Variants in TMEM117 observed in about 807,000 individuals in gnomAD.
TMEM117 encodes transmembrane protein 117.
Under a neutral mutation model 52.4 loss-of-function variants are expected in TMEM117, and 27 were observed. The observed-to-expected ratio is 0.51, with a 90% confidence interval of 0.38 to 0.71. TMEM117 has a LOEUF of 0.71. Ranked by LOEUF, TMEM117 falls within the 30% of genes least tolerant of loss-of-function variation. TMEM117 has a pLI of 0.00. For missense variants in TMEM117, 556 were observed against 630.5 expected (o/e 0.88, Z 1.26); for synonymous variants, 215 against 206.3 (o/e 1.04, Z -0.36).
rs140459958 is a variant in TMEM117 at position 44,114,235 on chromosome 12, G to A, written c.411-29290G>A. Among the ~76,000 whole-genome samples the A allele has an allele frequency of 9.1e-4, 139 of 152,084 alleles. 1 individual carries two copies. The highest frequency in any genetic ancestry group is 3.4e-3 in the Middle Eastern group (1 of 294). On this transcript the variant is annotated intron_variant, in intron 3 of 7. Coordinates refer to ENST00000266534, the MANE Select transcript of TMEM117 (RefSeq NM_032256.3). ...ATTCGGCCATCTTGGCTCCTCCTCC[G>A]TACCAAATTTAAATAAGTTTAAATT...
At position 44,053,903 on chromosome 12, in the gene TMEM117, A is replaced by G. The variant is rs369292011; in HGVS notation, c.411-89622A>G. ...TCTTATTATAGAATGAAAATGCAAC[A>G]GAACTATTGCAACATGAATGTTAGT... On this transcript the variant is annotated intron_variant, in intron 3 of 7. Coordinates refer to ENST00000266534, the MANE Select transcript of TMEM117 (RefSeq NM_032256.3). Among the ~76,000 whole-genome samples the G allele has an allele frequency of 1.8e-4, 27 of 152,342 alleles. No individual in the cohort carries two copies. In the East Asian group the frequency reaches 2.7e-3, roughly 15 times the overall value.
intron 2 of TMEM117, among the ~76,000 whole-genome samples, chr12:43,882,704 T>G (rs947878800): frequency 2.0e-5 from 3 of 152,176 alleles, no homozygotes; most frequent in African/African-American, 7.2e-5. Flanking sequence ...ATAAATGTTG[T>G]GGAGTTTAGC....
chr12:43,901,817 A>T (rs1428384891), intron 2 of TMEM117, among the ~76,000 whole-genome samples: 1 of 152,246 alleles, frequency 6.6e-6, no homozygotes, highest in East Asian at 1.9e-4. Context: ...CCATGAAATT[A>T]TGAATCTGTT....
chr12:44,209,577 C>G (rs1239100396), intron 4 of TMEM117, among the ~76,000 whole-genome samples: 2 of 151,946 alleles, frequency 1.3e-5, no homozygotes, highest in Non-Finnish European at 2.9e-5. Flanking sequence ...ATATTAAAAC[C>G]ATGCATGATT....
intron 3 of TMEM117, among the ~76,000 whole-genome samples, chr12:43,993,250 C>A (rs1248563874): frequency 6.6e-6 from 1 of 152,184 alleles, no homozygotes; most frequent in Non-Finnish European, 1.5e-5. Context: ...TATTGTACAT[C>A]TGTAAAATGG....
intron 3 of TMEM117, among the ~76,000 whole-genome samples, chr12:44,099,169 A>C (rs1202070268): frequency 6.6e-6 from 1 of 152,100 alleles, no homozygotes; most frequent in Non-Finnish European, 1.5e-5. Flanking sequence ...AGAGATCTTA[A>C]GTATCAACAG....
intron 3 of TMEM117, among the ~76,000 whole-genome samples, chr12:43,994,692 G>T (rs1370608251): frequency 1.3e-5 from 2 of 152,068 alleles, no homozygotes; most frequent in Non-Finnish European, 2.9e-5. Flanking sequence ...TGAAAGAAAG[G>T]TTTATAATTA....
chr12:44,348,655 A>T (rs1951523404), intron 6 of TMEM117, among the ~76,000 whole-genome samples: 1 of 151,948 alleles, frequency 6.6e-6, no homozygotes. Flanking sequence ...AGACCTAGTT[A>T]TATTAAAAAG....
chr12:43,968,342 A>G (rs1183081751), intron 3 of TMEM117, among the ~76,000 whole-genome samples: 1 of 152,242 alleles, frequency 6.6e-6, no homozygotes, highest in Non-Finnish European at 1.5e-5. Context: ...GACTAGCCTA[A>G]TTGTAGCACA....
intron 6 of TMEM117, among the ~76,000 whole-genome samples, chr12:44,304,896 G>T (rs1950885761): frequency 6.6e-6 from 1 of 152,188 alleles, no homozygotes; most frequent in African/African-American, 2.4e-5. Flanking sequence ...ACCTGTGGTG[G>T]CCATGGCGAG....
the TMEM117 span, among the ~76,000 whole-genome samples, chr12:43,800,825 A>G: frequency 6.6e-6 from 1 of 152,176 alleles, no homozygotes; most frequent in African/African-American, 2.4e-5. Context: ...ATCTCAGCTC[A>G]CTGCAACCTC....
At chr12:44,270,287 A>G (rs1275619893) in intron 5 of TMEM117, among the ~76,000 whole-genome samples, 1 of 152,014 alleles carries the variant, frequency 6.6e-6, no homozygotes, top group Non-Finnish European at 1.5e-5. Context: ...TCTTTCAGCC[A>G]TGTTTTGTAG....
intron 3 of TMEM117, among the ~76,000 whole-genome samples, chr12:44,016,205 C>A (rs544491936): frequency 2.0e-5 from 3 of 152,296 alleles, no homozygotes; most frequent in African/African-American, 7.2e-5. Flanking sequence ...TGCTTCTCCT[C>A]CTGGTGCTGT....
chr12:43,819,504 A>G, the TMEM117 span, among the ~76,000 whole-genome samples: 1 of 152,178 alleles, frequency 6.6e-6, no homozygotes, highest in South Asian at 2.1e-4. Flanking sequence ...GCTGGGCGGG[A>G]TGGCTCACAC....
chr12:43,933,441 T>G (rs1360701142), intron 2 of TMEM117, among the ~76,000 whole-genome samples: 2 of 152,092 alleles, frequency 1.3e-5, no homozygotes, highest in Non-Finnish European at 2.9e-5. Context: ...GACCTCGTGA[T>G]CTGCCCGCCT....
intron 3 of TMEM117, among the ~76,000 whole-genome samples, chr12:43,986,143 C>T (rs930537121): frequency 6.6e-6 from 1 of 151,916 alleles, no homozygotes; most frequent in Non-Finnish European, 1.5e-5. Flanking sequence ...TTATTCTGTT[C>T]AGTTGTCTTA....
chr12:44,041,488 T>A (rs759818492), intron 3 of TMEM117, among the ~76,000 whole-genome samples: 1 of 152,074 alleles, frequency 6.6e-6, no homozygotes, highest in Admixed American at 6.6e-5. Flanking sequence ...TCCTTCCAAC[T>A]TTTATTTTAG....
At chr12:44,303,360 T>G (rs1950865965) in intron 6 of TMEM117, among the ~76,000 whole-genome samples, 1 of 152,006 alleles carries the variant, frequency 6.6e-6, no homozygotes, top group African/African-American at 2.4e-5. Flanking sequence ...GTATTGTAAT[T>G]TTTTTTTAAA....
At chr12:44,297,235 C>T (rs1163403822) in intron 5 of TMEM117, among the ~76,000 whole-genome samples, 1 of 152,154 alleles carries the variant, frequency 6.6e-6, no homozygotes, top group African/African-American at 2.4e-5. Context: ...TTTAATTTTA[C>T]AGTATCAGTT....
Sources: allele counts gnomAD v4.1 joint callset (sites outside exome capture counted in the v4.1 genomes callset), GRCh38; gene constraint gnomAD v4.1.1; transcripts MANE v1.5; gene names NCBI Gene and HGNC (gene_info 2026-07-23, HGNC 2026-07-21).